Variants in S1PR3 observed in about 807,000 individuals in gnomAD.
S1PR3 encodes the protein sphingosine-1-phosphate receptor 3, also known as sphingosine 1-phosphate receptor 3.
S1PR3 carries 12 observed loss-of-function variants against 13.3 expected under a neutral mutation model. That is an observed-to-expected ratio of 0.90 (90% CI 0.58 to 1.46). The LOEUF is 1.46. S1PR3 is among the 40% of genes most tolerant of loss of function. The probability of loss-of-function intolerance (pLI) is 0.00; values close to 1 mark genes in which losing one functional copy is unlikely to be tolerated. For missense variants in S1PR3, 450 were observed against 501.9 expected, an observed-to-expected ratio of 0.90 and a Z score of 0.99; for synonymous variants, 232 against 214.0, an observed-to-expected ratio of 1.08 and a Z score of -0.73.
At position 89,004,988 on chromosome 9, in the gene S1PR3, C is replaced by A. The variant is rs940934021; in HGVS notation, c.*2651C>A. Reference sequence around the variant, plus strand: ...TTTGTTAAAAATAATAATAATAAAACCAAAAGCCTTTGTGGAAACCCACTC... The same window carrying A: ...TTTGTTAAAAATAATAATAATAAAAACAAAAGCCTTTGTGGAAACCCACTC... On this transcript the variant is annotated 3_prime_UTR_variant, in exon 2 of 2. Transcript: ENST00000358157. The A allele has an allele frequency of 1.2e-5, 2 of 166,814 alleles. No homozygotes were observed. The highest frequency in any genetic ancestry group is 6.5e-5 in the Admixed American group (1 of 15,284). 10.3% of individuals were successfully genotyped at this position (166,814 alleles called of 1,614,324 possible). A position where few individuals can be genotyped will look rare whatever the true frequency, so the allele number is the denominator to read the frequency against.
chr9:88,990,891 C>T (rs529433702), upstream of S1PR3: 298 of 1,420,304 alleles, frequency 2.1e-4, 2 homozygotes, highest in African/African-American at 3.9e-3. Context: ...AGGCAGGCGC[C>T]GGAGGGGACC....
At chr9:88,990,931 A>G, upstream of S1PR3, 1 of 1,595,964 alleles carries the variant, frequency 6.3e-7, no homozygotes, top group Non-Finnish European at 8.5e-7. Flanking sequence ...CCCAAACAAA[A>G]ACGCTGTCCG....
At chr9:88,999,397 A>G (rs530279884) in intron 1 of S1PR3, 18 of 152,256 alleles carry the variant, frequency 1.2e-4, no homozygotes, top group African/African-American at 4.3e-4. Context: ...AGCATTCAGC[A>G]CTCCAGAGGG....
At chr9:88,992,998 C>T (rs1460769849) in intron 1 of S1PR3, 1 of 152,622 alleles carries the variant, frequency 6.6e-6, no homozygotes, top group Non-Finnish European at 1.5e-5. Flanking sequence ...CAAACTGAAG[C>T]TAGCCCTTAA....
chr9:88,991,556 G>T lies in S1PR3; in HGVS notation c.-287G>T. 1.3e-6 allele frequency: 2 copies of T among 1,545,916 alleles called. No homozygotes were observed. The highest frequency in any genetic ancestry group is 1.7e-6 in the Non-Finnish European group (2 of 1,145,520). ...AGGACGCGACCGAGCAGGACCCCAGGCCCGGGAACGACGTCGCGAGCGCTG... is the reference window on the plus strand; with the variant it reads ...AGGACGCGACCGAGCAGGACCCCAGTCCCGGGAACGACGTCGCGAGCGCTG... On this transcript the variant is annotated 5_prime_UTR_variant, in exon 1 of 2. Coordinates refer to ENST00000358157, the MANE Select transcript of S1PR3 (RefSeq NM_005226.4). The surrounding 1 kb of genome is among the most constrained non-coding windows in gnomAD (Gnocchi z 4.0).
At chr9:89,001,025 G>T (rs923168440) in intron 1 of S1PR3, 29 bp from the exon 2 acceptor site, 1 of 689,744 alleles carries the variant, frequency 1.4e-6, no homozygotes, top group Non-Finnish European at 2.4e-6. Flanking sequence ...TTTTATCAAT[G>T]GTCGCTCCCT....
upstream of S1PR3, chr9:88,991,112 G>C (rs1423270947): frequency 1.1e-5 from 17 of 1,612,816 alleles, no homozygotes; most frequent in Non-Finnish European, 1.4e-5. The surrounding 1 kb of genome is among the most constrained non-coding windows in gnomAD (Gnocchi z 4.0). Flanking sequence ...CCTCGGACCT[G>C]GTTCCAAGCC....
Position 88,991,970 on chromosome 9 carries a change from G to A in S1PR3, c.-148+275G>A. ...TGTTCGTGGAGAAGTTCCATCAGTC[G>A]TTTTCCTTGGACAATTAACAAGTTA... On this transcript the variant is annotated intron_variant, in intron 1 of 1. Transcript: ENST00000358157. The surrounding 1 kb of genome is among the most constrained non-coding windows in gnomAD (Gnocchi z 4.0). The A allele has an allele frequency of 6.2e-7, 1 of 1,614,244 alleles. No homozygotes were observed. The highest frequency in any genetic ancestry group is 8.5e-7 in the Non-Finnish European group (1 of 1,180,046).
Position 89,001,072 on chromosome 9 carries a change from C to T in S1PR3, c.-129C>T. On this transcript the variant is annotated 5_prime_UTR_variant, in exon 2 of 2. Transcript: ENST00000358157. ...TTGGCAGGAGCCCTTTTTCAACGCC[C>T]TCGCTGGAGTCTGGCCTGCACGCCT... 1 of 1,091,536 alleles carries T rather than the reference C, an allele frequency of 9.2e-7. No homozygotes were observed. Among genetic ancestry groups the T allele is most frequent in the Admixed American group, 2.3e-5 (1 of 42,808 alleles). The allele number at this position is 1,091,536 out of a possible 1,614,324, so 67.6% of individuals were successfully genotyped here.
intron 1 of S1PR3, chr9:88,993,255 A>T (rs947866304): frequency 6.6e-6 from 1 of 152,642 alleles, no homozygotes; most frequent in Non-Finnish European, 1.5e-5. Context: ...ACTTGATTTC[A>T]TGGTATCTCT....
At chr9:89,000,286 C>G (rs930582192) in intron 1 of S1PR3, 1 of 152,262 alleles carries the variant, frequency 6.6e-6, no homozygotes, top group Non-Finnish European at 1.5e-5. Flanking sequence ...ATTTGATATT[C>G]AGGGCTCTGA....
rs749517225 is a variant in S1PR3 at position 89,002,055 on chromosome 9, G to A, written c.855G>A (p.Val285=). Residue 285 remains valine (V), a synonymous_variant, in exon 2 of 2, where the codon GTG becomes GTA. Transcript: ENST00000358157. Reference sequence around the variant, plus strand: ...TCTTCAAGGCTCAGTGGTTCATCGTGTTGGCTGTGCTCAACTCCGCCATGA... The same window carrying A: ...TCTTCAAGGCTCAGTGGTTCATCGTATTGGCTGTGCTCAACTCCGCCATGA... ...PILFKAQWFI[V]LAVLNSAMNP... is the part of the protein sequence containing the mutation. 3.1e-6 allele frequency: 5 copies of A among 1,614,056 alleles called. No individual in the cohort carries two copies. The South Asian group carries it at 4.4e-5, about 14-fold the overall frequency.
rs1825888216 is a variant in S1PR3, at chr9:89,002,889, A to G, written c.*552A>G. ...GGACATTGTTTTGAACTAGGTGGAC[A>G]TGCCATCCCTGGTCTCCTTAGACTG... On this transcript the variant is annotated 3_prime_UTR_variant, in exon 2 of 2. Coordinates refer to ENST00000358157, the MANE Select transcript of S1PR3 (RefSeq NM_005226.4). 1 of 174,024 alleles carries G rather than the reference A, an allele frequency of 5.7e-6. No individual in the cohort carries two copies. The highest frequency in any genetic ancestry group is 1.8e-4 in the East Asian group (1 of 5,506). 10.8% of individuals were successfully genotyped at this position (174,024 alleles called of 1,614,324 possible).
chr9:88,993,771 A>G (rs1362132042), intron 1 of S1PR3: 1 of 152,076 alleles, frequency 6.6e-6, no homozygotes, highest in Non-Finnish European at 1.5e-5. Context: ...CCCTTTTTTG[A>G]ATCCTATTTT....
chr9:89,003,934 T>C lies in S1PR3; in HGVS notation c.*1597T>C, dbSNP rs1365169849. 6.0e-6 allele frequency: 1 copy of C among 167,034 alleles called. No homozygotes were observed. The highest frequency in any genetic ancestry group is 1.5e-5 in the Non-Finnish European group (1 of 68,106). The allele number at this position is 167,034 out of a possible 1,614,324, so 10.3% of individuals were successfully genotyped here. On this transcript the variant is annotated 3_prime_UTR_variant, in exon 2 of 2. Transcript: ENST00000358157. ...CACCTCCATGGGCTGACCAAAGGCT[T>C]TTCTAATTTTTGTTACTGATGAGAT...
At chr9:88,992,131 A>T in intron 1 of S1PR3, 1 of 1,166,774 alleles carries the variant, frequency 8.6e-7, no homozygotes, top group Non-Finnish European at 1.2e-6. Context: ...CAAGGCAATT[A>T]GGGCCGTCAG....
In S1PR3 at chr9:89,002,599, T is replaced by C; in HGVS notation, c.*262T>C. 2 of 536,370 alleles carry C rather than the reference T, an allele frequency of 3.7e-6. No homozygotes were observed. The highest frequency in any genetic ancestry group is 6.9e-6 in the Non-Finnish European group (2 of 290,334). 33.2% of individuals were successfully genotyped at this position (536,370 alleles called of 1,614,324 possible). ...TCATCCACTGCCTTCTGCTGCATCC[T>C]AGACACCCTCCCTGTTGTTCACAGA... On this transcript the variant is annotated 3_prime_UTR_variant, in exon 2 of 2. Coordinates refer to ENST00000358157, the MANE Select transcript of S1PR3 (RefSeq NM_005226.4).
intron 1 of S1PR3, 62 bp from the exon 2 acceptor site, chr9:89,000,992 C>T (rs1248841706): frequency 1.5e-5 from 9 of 597,434 alleles, no homozygotes; most frequent in Admixed American, 9.0e-5. Context: ...ACAGCGTTGC[C>T]GTGGCCCCTT....
rs773872325 is a variant in S1PR3, at chr9:89,001,441, C to T, written c.241C>T (p.Leu81=). The part of the protein sequence containing the change: ...HNRMYFFIGN[L]ALCDLLAGIA... ...CCGCATGTACTTTTTCATTGGCAACCTGGCTCTCTGCGACCTGCTGGCCGG... is the reference window on the plus strand; with the variant it reads ...CCGCATGTACTTTTTCATTGGCAACTTGGCTCTCTGCGACCTGCTGGCCGG... Residue 81 remains leucine, a synonymous_variant, in exon 2 of 2, where the codon CTG becomes TTG. Transcript: ENST00000358157. 1.4e-5 allele frequency: 23 copies of T among 1,614,188 alleles called. No homozygotes were observed. Among genetic ancestry groups the T allele is most frequent in the Middle Eastern group, 3.3e-4 (2 of 6,062 alleles).
Sources: allele counts gnomAD v4.1 joint callset, GRCh38; gene constraint gnomAD v4.1.1; non-coding constraint Gnocchi (gnomAD v3.1); transcripts MANE v1.5; gene names NCBI Gene and HGNC (gene_info 2026-07-23, HGNC 2026-07-21).